ANO2: variants seen among roughly 807,000 people sequenced by gnomAD.
The protein encoded by ANO2 is anoctamin-2.
Under a neutral mutation model 124.2 loss-of-function variants are expected in ANO2, and 101 were observed. The observed-to-expected ratio is 0.81, with a 90% confidence interval of 0.69 to 0.96. The LOEUF (loss-of-function observed/expected upper bound fraction) is 0.96. Ranked by LOEUF, ANO2 falls within the 40% of genes least tolerant of loss-of-function variation. The pLI is 0.00. For missense variants in ANO2, 1,293 were observed against 1,274.5 expected (o/e 1.01, Z -0.22); for synonymous variants, 486 against 482.5 (o/e 1.01, Z -0.09).
rs77012351 is a variant in ANO2 at position 5,768,463 on chromosome 12, T to G, written c.1056-17493A>C. ...AGAAGAGAGTCTATATCAAAAGGGA[T>G]TTCAAAATTTTTGTGAGCAGAGACA... On this transcript the variant is annotated intron_variant, in intron 10 of 24. Transcript: ENST00000682330. Among the ~76,000 whole-genome samples the G allele has an allele frequency of 3.5e-3, 535 of 152,256 alleles. 7 individuals carry two copies. Among genetic ancestry groups the G allele is most frequent in the African/African-American group, 0.012 (512 of 41,534 alleles).
Position 5,747,348 on chromosome 12 carries a change from G to A in ANO2, c.1191-3031C>T, listed in dbSNP as rs141415906. Among the ~76,000 whole-genome samples the A allele has an allele frequency of 1.7e-3, 260 of 152,292 alleles. 2 individuals are homozygous for A. The highest frequency in any genetic ancestry group is 5.3e-3 in the African/African-American group (219 of 41,562). Reference sequence around the variant, plus strand: ...AACCCTTAGAGTATGCATTTCTTTAGATTCAATATTGGTTTTTAGAGAATA... The same window carrying A: ...AACCCTTAGAGTATGCATTTCTTTAAATTCAATATTGGTTTTTAGAGAATA... On this transcript the variant is annotated intron_variant, in intron 11 of 24. Transcript: ENST00000682330.
intron 2 of ANO2, 52 bp downstream of exon 2, chr12:5,922,568 G>T: frequency 2.7e-6 from 4 of 1,484,568 alleles, no homozygotes; most frequent in Admixed American, 2.3e-5. Flanking sequence ...CTCCTTGGTG[G>T]CCTGCAACAG....
chr12:5,919,699 A>AT (rs71064175), intron 3 of ANO2, among the ~76,000 whole-genome samples: 84,509 of 150,930 alleles, frequency 0.56, 24,175 homozygotes, highest in East Asian at 0.81. Context: ...AGGGAAGGTC[A>AT]TTTTTTTTTC....
chr12:5,576,085 C>G (rs968278852), intron 22 of ANO2, 70 bp from the exon 23 acceptor site: 1 of 1,433,016 alleles, frequency 7.0e-7, no homozygotes, highest in African/African-American at 1.4e-5. Flanking sequence ...CTCTTAGGCT[C>G]CCCATCAGAA....
At chr12:5,919,615 C>G (rs546411917) in intron 3 of ANO2, among the ~76,000 whole-genome samples, 6 of 152,226 alleles carry the variant, frequency 3.9e-5, no homozygotes, top group Non-Finnish European at 8.8e-5. Context: ...CAGCCCACAC[C>G]CAAGATGAGG....
chr12:5,617,461 G>A (rs76964350), intron 16 of ANO2, among the ~76,000 whole-genome samples: 638 of 111,494 alleles, frequency 5.7e-3, no homozygotes, highest in African/African-American at 9.1e-3. Flanking sequence ...ATCACAGTGT[G>A]CCACCTTCTC....
intron 12 of ANO2, among the ~76,000 whole-genome samples, chr12:5,741,598 T>A (rs1476676799): frequency 6.6e-6 from 1 of 152,020 alleles, no homozygotes; most frequent in East Asian, 1.9e-4. Context: ...GAAGGAATGA[T>A]GAGAGGGGCA....
In ANO2 at chr12:5,742,794, C is replaced by T. The variant is rs140814320; in HGVS notation, c.1351+1363G>A. On this transcript the variant is annotated intron_variant, in intron 12 of 24. Coordinates refer to ENST00000682330, the MANE Select transcript of ANO2 (RefSeq NM_001364791.2). The stretch of plus-strand genomic sequence containing the variant: ...GTTCAGGTGGATCTTGGGGTAATTC[C>T]ACAATGCTCCTGTTTGATAAGGAGA... 4.2e-3 allele frequency among the ~76,000 whole-genome samples: 633 copies of T among 152,082 alleles called. 3 individuals are homozygous for T. Among genetic ancestry groups the T allele is most frequent in the African/African-American group, 0.015 (617 of 41,484 alleles).
chr12:5,613,417 A>G (rs1266564886), intron 17 of ANO2, among the ~76,000 whole-genome samples: 2 of 152,230 alleles, frequency 1.3e-5, no homozygotes, highest in Non-Finnish European at 2.9e-5. Flanking sequence ...CTGGGGTCAG[A>G]AAAGAAAAAT....
intron 14 of ANO2, among the ~76,000 whole-genome samples, chr12:5,721,041 G>T (rs1346316592): frequency 6.6e-6 from 1 of 152,146 alleles, no homozygotes; most frequent in African/African-American, 2.4e-5. Flanking sequence ...ACACATCTCT[G>T]GCATCCTTCT....
intron 10 of ANO2, among the ~76,000 whole-genome samples, chr12:5,752,246 C>T (rs1462709485): frequency 6.6e-6 from 1 of 152,178 alleles, no homozygotes; most frequent in Non-Finnish European, 1.5e-5. Context: ...AAAAGGGAGA[C>T]TGTTGAATCA....
At chr12:5,641,031 A>C (rs1231323441) in intron 15 of ANO2, among the ~76,000 whole-genome samples, 1 of 152,252 alleles carries the variant, frequency 6.6e-6, no homozygotes, top group East Asian at 1.9e-4. Flanking sequence ...ACACCATGGA[A>C]TACTATGCAG....
intron 10 of ANO2, among the ~76,000 whole-genome samples, chr12:5,758,730 C>T (rs1259086130): frequency 1.3e-5 from 2 of 152,216 alleles, no homozygotes; most frequent in East Asian, 3.8e-4. Flanking sequence ...ATTGACTCAA[C>T]TCTCCTCACT....
intron 4 of ANO2, among the ~76,000 whole-genome samples, chr12:5,837,302 T>TA (rs1056628028): frequency 7.3e-6 from 1 of 137,632 alleles, no homozygotes; most frequent in Non-Finnish European, 1.5e-5. Flanking sequence ...TCTTTTTTTT[T>TA]TTTTTTTTTT....
At chr12:5,572,248 C>G (rs1942169365) in intron 23 of ANO2, among the ~76,000 whole-genome samples, 1 of 152,102 alleles carries the variant, frequency 6.6e-6, no homozygotes, top group Non-Finnish European at 1.5e-5. Context: ...CTCACCTGAG[C>G]CTGTCTCCCT....
At chr12:5,850,700 C>T (rs542932806) in intron 4 of ANO2, among the ~76,000 whole-genome samples, 19 of 152,244 alleles carry the variant, frequency 1.2e-4, no homozygotes, top group Non-Finnish European at 7.4e-5. Flanking sequence ...CCCTATGCTG[C>T]CCTGTGATTG....
At chr12:5,893,735 G>A (rs951039688) in intron 3 of ANO2, among the ~76,000 whole-genome samples, 5 of 151,652 alleles carry the variant, frequency 3.3e-5, no homozygotes, top group Admixed American at 6.6e-5. Flanking sequence ...GTGAGAACAC[G>A]TGGTGTTTGG....
chr12:5,676,147 G>T (rs1192455323), intron 14 of ANO2, among the ~76,000 whole-genome samples: 1 of 152,180 alleles, frequency 6.6e-6, no homozygotes, highest in African/African-American at 2.4e-5. Context: ...TGCAGCAAAA[G>T]TCACTGATGG....
chr12:5,901,883 T>C (rs1003246979), intron 3 of ANO2, among the ~76,000 whole-genome samples: 4 of 152,142 alleles, frequency 2.6e-5, no homozygotes, highest in African/African-American at 9.7e-5. Context: ...CAGAGACAAT[T>C]CCCCATGTAC....
Sources: gnomAD v4.1 joint callset for allele counts (sites outside exome capture counted in the v4.1 genomes callset) on GRCh38, gnomAD v4.1.1 for gene constraint, MANE v1.5 for transcripts, NCBI Gene and HGNC (gene_info 2026-07-23, HGNC 2026-07-21) for gene names.